PTPRD: variants seen among roughly 807,000 people sequenced by gnomAD.
The protein encoded by PTPRD is receptor-type tyrosine-protein phosphatase delta.
PTPRD carries 34 observed loss-of-function variants against 214.5 expected under a neutral mutation model. The ratio of observed to expected loss-of-function variants is 0.16; its 90% CI spans 0.12 to 0.21. The LOEUF (loss-of-function observed/expected upper bound fraction) is 0.21. Ranked by LOEUF, PTPRD falls within the 10% of genes least tolerant of loss-of-function variation. The pLI, the probability that PTPRD is intolerant of heterozygous loss-of-function variation, is 1.00. For missense variants in PTPRD, 2,545 were observed against 2,398.7 expected (o/e 1.06, Z -1.27); for synonymous variants, 1,128 against 845.7 (o/e 1.33, Z -5.79).
At chr9:8,338,861 G>GAGAGAGAGAGAA in intron 43 of PTPRD, 61 bp downstream of exon 43, 1 of 1,513,116 alleles carries the variant, frequency 6.6e-7, no homozygotes, top group Non-Finnish European at 9.0e-7. Context: ...GAGAGAGAGA[G>GAGAGAGAGAGAA]AGAGGTATCT....
chr9:10,321,698 G>T (rs1046316431), intron 3 of PTPRD, among the ~76,000 whole-genome samples: 3 of 151,886 alleles, frequency 2.0e-5, no homozygotes, highest in Admixed American at 6.6e-5. Context: ...AAACAATGGT[G>T]GGATGATATT....
At chr9:8,643,631 C>T (rs969898958) in intron 12 of PTPRD, among the ~76,000 whole-genome samples, 2 of 152,202 alleles carry the variant, frequency 1.3e-5, no homozygotes, top group East Asian at 1.9e-4. Flanking sequence ...CACCACTGCT[C>T]GCAGCTCTGA....
At chr9:10,534,701 C>T (rs1278882335) in intron 2 of PTPRD, among the ~76,000 whole-genome samples, 1 of 152,010 alleles carries the variant, frequency 6.6e-6, no homozygotes, top group Non-Finnish European at 1.5e-5. Context: ...ATGCTACTAT[C>T]TACTAAGAAG....
chr9:9,098,585 T>C (rs995206118), intron 10 of PTPRD, among the ~76,000 whole-genome samples: 1 of 152,170 alleles, frequency 6.6e-6, no homozygotes, highest in Non-Finnish European at 1.5e-5. Flanking sequence ...CATTTATTAT[T>C]ATTACAATTT....
At chr9:9,251,435 C>A (rs192700115) in intron 9 of PTPRD, among the ~76,000 whole-genome samples, 1 of 152,030 alleles carries the variant, frequency 6.6e-6, no homozygotes, top group Non-Finnish European at 1.5e-5. Context: ...TGCCTTTGTA[C>A]ATGCTTTTTC....
intron 8 of PTPRD, among the ~76,000 whole-genome samples, chr9:9,527,894 G>C (rs914753625): frequency 1.3e-5 from 2 of 152,148 alleles, no homozygotes; most frequent in Non-Finnish European, 2.9e-5. Flanking sequence ...TAATAACAAA[G>C]ACTCTTCTGC....
chr9:8,386,950 C>G (rs2087307230), intron 37 of PTPRD, among the ~76,000 whole-genome samples: 1 of 152,132 alleles, frequency 6.6e-6, no homozygotes, highest in Admixed American at 6.5e-5. Flanking sequence ...CCCAAGTGTT[C>G]TGGACTGGAG....
chr9:8,916,257 A>C (rs1213273915), intron 11 of PTPRD, among the ~76,000 whole-genome samples: 1 of 152,166 alleles, frequency 6.6e-6, no homozygotes, highest in Non-Finnish European at 1.5e-5. Context: ...GGAAGGAAGA[A>C]GGGGGTTACT....
intron 5 of PTPRD, among the ~76,000 whole-genome samples, chr9:9,803,334 C>A (rs1188659509): frequency 6.6e-6 from 1 of 151,094 alleles, no homozygotes; most frequent in Admixed American, 6.6e-5. Context: ...TTATGAGAAA[C>A]ACAAAATTTT....
At chr9:9,637,448 G>A (rs2095806752) in intron 7 of PTPRD, among the ~76,000 whole-genome samples, 2 of 152,154 alleles carry the variant, frequency 1.3e-5, no homozygotes, top group Admixed American at 1.3e-4. Flanking sequence ...AAGAAGGAAG[G>A]AGTAATGGGT....
At chr9:9,317,317 C>T (rs1471890276) in intron 9 of PTPRD, among the ~76,000 whole-genome samples, 1 of 152,176 alleles carries the variant, frequency 6.6e-6, no homozygotes, top group Non-Finnish European at 1.5e-5. Flanking sequence ...CATTCAACCA[C>T]CTGCTAAATA....
chr9:8,848,782 C>T (rs2097758108), intron 11 of PTPRD, among the ~76,000 whole-genome samples: 2 of 125,514 alleles, frequency 1.6e-5, no homozygotes, highest in African/African-American at 5.8e-5. Flanking sequence ...ACCCTATGTT[C>T]CATCTTTATT....
At chr9:8,444,660 C>T (rs1466383111) in intron 34 of PTPRD, among the ~76,000 whole-genome samples, 1 of 152,042 alleles carries the variant, frequency 6.6e-6, no homozygotes, top group East Asian at 1.9e-4. Context: ...TAAAGAGTAA[C>T]ATAATGAACA....
intron 3 of PTPRD, among the ~76,000 whole-genome samples, chr9:10,094,541 T>TTC (rs1448056905): frequency 3.9e-4 from 9 of 23,158 alleles, no homozygotes; most frequent in Admixed American, 3.2e-3. Flanking sequence ...CTTTCTTTCT[T>TTC]TTTTTTTTTT....
intron 4 of PTPRD, among the ~76,000 whole-genome samples, chr9:9,948,325 T>A (rs1011734548): frequency 6.6e-6 from 1 of 152,068 alleles, no homozygotes; most frequent in Non-Finnish European, 1.5e-5. Flanking sequence ...CCTCAATAGA[T>A]TGGGATATTC....
intron 5 of PTPRD, among the ~76,000 whole-genome samples, chr9:9,921,141 G>T (rs2082426326): frequency 2.6e-5 from 4 of 151,932 alleles, no homozygotes; most frequent in African/African-American, 9.7e-5. Context: ...TGAAGTTATT[G>T]GAGTTGCAAA....
intron 14 of PTPRD, among the ~76,000 whole-genome samples, chr9:8,577,800 C>T (rs138591408): frequency 6.6e-6 from 1 of 152,224 alleles, no homozygotes; most frequent in Admixed American, 6.5e-5. Flanking sequence ...TGCAAAATCT[C>T]GGGCCCTACT....
intron 11 of PTPRD, among the ~76,000 whole-genome samples, chr9:8,775,257 T>C (rs1050078982): frequency 7.2e-5 from 11 of 152,310 alleles, no homozygotes; most frequent in Middle Eastern, 3.4e-3. Flanking sequence ...TATGGTCTGT[T>C]TAAGCTTTGT....
At chr9:8,792,336 G>A (rs2096263816) in intron 11 of PTPRD, among the ~76,000 whole-genome samples, 1 of 152,148 alleles carries the variant, frequency 6.6e-6, no homozygotes, top group Non-Finnish European at 1.5e-5. Context: ...ATGAGTTCCA[G>A]AACATACGCA....
Sources: allele counts gnomAD v4.1 joint callset (sites outside exome capture counted in the v4.1 genomes callset), GRCh38; gene constraint gnomAD v4.1.1; transcripts MANE v1.5; gene names NCBI Gene and HGNC (gene_info 2026-07-23, HGNC 2026-07-21).